CDK6: variants seen among roughly 807,000 people sequenced by gnomAD.
The protein encoded by CDK6 is cyclin-dependent kinase 6.
CDK6 carries 6 observed loss-of-function variants against 37.1 expected under a neutral mutation model. That is an observed-to-expected ratio of 0.16 (90% CI 0.09 to 0.32). The LOEUF (loss-of-function observed/expected upper bound fraction) is 0.32, where lower values mean the gene tolerates loss of function less well. CDK6 is among the 10% of genes least tolerant of loss of function. CDK6 has a pLI of 1.00. For synonymous variants in CDK6, 160 were observed against 161.3 expected, an observed-to-expected ratio of 0.99 and a Z score of 0.06; for missense variants, 224 against 418.9, an observed-to-expected ratio of 0.53 and a Z score of 4.06.
intron 5 of CDK6, among the ~76,000 whole-genome samples, chr7:92,648,594 T>C (rs1182568082): frequency 6.6e-6 from 1 of 152,204 alleles, no homozygotes; most frequent in African/African-American, 2.4e-5. Flanking sequence ...TCTCAATAAA[T>C]GGTGCTGGCT....
chr7:92,759,505 AT>A (rs549870122), intron 3 of CDK6, among the ~76,000 whole-genome samples: 1 of 151,782 alleles, frequency 6.6e-6, no homozygotes, highest in African/African-American at 2.4e-5. Context: ...GATAAAAGTT[AT>A]TTTTTTTAAA....
chr7:92,651,916 T>C (rs77488116), intron 5 of CDK6, among the ~76,000 whole-genome samples: 23 of 152,234 alleles, frequency 1.5e-4, no homozygotes, highest in African/African-American at 5.1e-4. Context: ...TGGAAGCACA[T>C]CAATATTTTA....
chr7:92,621,792 C>G (rs73404447), intron 6 of CDK6, among the ~76,000 whole-genome samples: 18 of 152,276 alleles, frequency 1.2e-4, no homozygotes, highest in African/African-American at 3.6e-4. Context: ...ATCACCTGCC[C>G]TGGACCCAGG....
At chr7:92,692,225 C>T (rs1444065219) in intron 4 of CDK6, among the ~76,000 whole-genome samples, 1 of 151,754 alleles carries the variant, frequency 6.6e-6, no homozygotes, top group Non-Finnish European at 1.5e-5. Context: ...GAGATCACAC[C>T]ATTGCACTCC....
intron 2 of CDK6, among the ~76,000 whole-genome samples, chr7:92,794,585 C>T (rs1222629586): frequency 6.6e-6 from 1 of 152,032 alleles, no homozygotes; most frequent in Non-Finnish European, 1.5e-5. Context: ...TTTCTCTGTC[C>T]ATCTGGTGAC....
At chr7:92,784,526 A>G (rs1800074474) in intron 2 of CDK6, among the ~76,000 whole-genome samples, 1 of 152,182 alleles carries the variant, frequency 6.6e-6, no homozygotes, top group Non-Finnish European at 1.5e-5. Context: ...TTTCCTTAAC[A>G]GTTACCTTCA....
chr7:92,778,317 C>T (rs1382125518), intron 2 of CDK6, among the ~76,000 whole-genome samples: 2 of 152,140 alleles, frequency 1.3e-5, no homozygotes, highest in East Asian at 3.8e-4. Flanking sequence ...TTATCTACTT[C>T]TAAACATTCT....
At chr7:92,666,192 T>C (rs953548202) in intron 5 of CDK6, among the ~76,000 whole-genome samples, 9 of 152,330 alleles carry the variant, frequency 5.9e-5, no homozygotes, top group African/African-American at 2.2e-4. Flanking sequence ...CTGCTGGCCT[T>C]CCACTGAGAA....
At position 92,753,660 on chromosome 7, in the gene CDK6, TAAG is replaced by T. The variant is rs1186024794; in HGVS notation, c.369+21033_369+21035del. Among the ~76,000 whole-genome samples, 5 of 152,184 alleles carry T rather than the reference TAAG, an allele frequency of 3.3e-5. No individual in the cohort carries two copies. The South Asian group carries it at 1.0e-3, about 32-fold the overall frequency. ...GGTGCACACCACCACGCCCAGCTAG[TAAG>T]AAGACTACCTTTTGAAATTGGCATC... On this transcript the variant is annotated intron_variant, in intron 3 of 7. Coordinates refer to ENST00000424848, the MANE Select transcript of CDK6 (RefSeq NM_001145306.2).
intron 5 of CDK6, among the ~76,000 whole-genome samples, chr7:92,652,553 A>G (rs540685082): frequency 6.7e-4 from 102 of 152,330 alleles, no homozygotes; most frequent in African/African-American, 2.2e-3. Flanking sequence ...TCAGGGGGGA[A>G]TTTCTGAGGT....
intron 3 of CDK6, among the ~76,000 whole-genome samples, chr7:92,765,335 T>C (rs574284831): frequency 2.6e-5 from 4 of 152,250 alleles, no homozygotes; most frequent in African/African-American, 7.2e-5. Context: ...TTTTTGGAAT[T>C]AGTACTATTT....
chr7:92,624,231 AT>A (rs3731346), intron 5 of CDK6, among the ~76,000 whole-genome samples: 3 of 152,078 alleles, frequency 2.0e-5, no homozygotes, highest in Non-Finnish European at 4.4e-5. Flanking sequence ...GATGGGCTGA[AT>A]TTTTTTCCCC....
chr7:92,722,043 T>C (rs1798380721), intron 4 of CDK6, among the ~76,000 whole-genome samples: 1 of 152,118 alleles, frequency 6.6e-6, no homozygotes, highest in African/African-American at 2.4e-5. Flanking sequence ...GAACTTAAAA[T>C]GAAAATAAAT....
At chr7:92,651,526 CAAGA>C (rs773341579) in intron 5 of CDK6, among the ~76,000 whole-genome samples, 4 of 152,042 alleles carry the variant, frequency 2.6e-5, no homozygotes, top group Non-Finnish European at 4.4e-5. Context: ...CTTTAAGGTC[CAAGA>C]AACAGGATAA....
At chr7:92,806,235 G>A (rs934822963) in intron 2 of CDK6, among the ~76,000 whole-genome samples, 28 of 151,972 alleles carry the variant, frequency 1.8e-4, no homozygotes, top group African/African-American at 6.5e-4. Context: ...TAGATAGTTG[G>A]GGCTTTTCTT....
intron 2 of CDK6, among the ~76,000 whole-genome samples, chr7:92,814,766 C>G (rs1289544517): frequency 6.6e-6 from 1 of 151,796 alleles, no homozygotes; most frequent in African/African-American, 2.4e-5. Flanking sequence ...TGAAAATAAA[C>G]AGAAATAAGG....
At chr7:92,668,689 A>G (rs1324940984) in intron 5 of CDK6, among the ~76,000 whole-genome samples, 2 of 152,218 alleles carry the variant, frequency 1.3e-5, no homozygotes, top group African/African-American at 2.4e-5. Context: ...TGAAGTCTCA[A>G]CTGGGTCAAT....
At chr7:92,693,116 T>C (rs1056541787) in intron 4 of CDK6, among the ~76,000 whole-genome samples, 2 of 152,218 alleles carry the variant, frequency 1.3e-5, no homozygotes, top group Non-Finnish European at 2.9e-5. Context: ...AAATTATTAA[T>C]AGGAATGTCT....
intron 5 of CDK6, among the ~76,000 whole-genome samples, chr7:92,627,025 A>T (rs10953072): frequency 9.2e-5 from 14 of 151,970 alleles, no homozygotes; most frequent in African/African-American, 3.1e-4. Flanking sequence ...TATTTATAGC[A>T]GCATTATTCA....
Sources: allele counts gnomAD v4.1 joint callset (sites outside exome capture counted in the v4.1 genomes callset), GRCh38; gene constraint gnomAD v4.1.1; transcripts MANE v1.5; gene names NCBI Gene and HGNC (gene_info 2026-07-23, HGNC 2026-07-21).